The following JARID2 variants were observed in gnomAD, a reference collection of about 807,000 sequenced individuals.
The protein encoded by JARID2 is protein Jumonji.
A neutral mutation model predicts 125.6 loss-of-function variants in JARID2; 21 were observed. The observed-to-expected ratio is 0.17, with a 90% CI of 0.12 to 0.24. JARID2 has a LOEUF of 0.24. JARID2 is among the 10% of genes least tolerant of loss of function. The pLI is 1.00. For synonymous variants in JARID2, 736 were observed against 661.6 expected (o/e 1.11, Z -1.73); for missense variants, 1,303 against 1,639.6 (o/e 0.79, Z 3.55).
At chr6:15,498,449 A>G (rs1770571528) in intron 7 of JARID2, among the ~76,000 whole-genome samples, 1 of 152,028 alleles carries the variant, frequency 6.6e-6, no homozygotes, top group African/African-American at 2.4e-5. Context: ...GCCACTGGGG[A>G]CACAGGGTGA....
rs1194204931 is a variant in JARID2, at chr6:15,512,820, A to G, written c.3136-95A>G. The G allele has an allele frequency of 7.2e-6, 9 of 1,251,830 alleles. No individual in the cohort carries two copies. The East Asian group carries it at 1.6e-4, about 23-fold the overall frequency. 77.5% of individuals were successfully genotyped at this position (1,251,830 alleles called of 1,614,324 possible). A position where few individuals can be genotyped will look rare whatever the true frequency, so the allele number is the denominator to read the frequency against. ...TCTAAATGCAATTCAAGATTTAGAA[A>G]TTCAGACAGCCTGCCTGCCCCCTCC... On this transcript the variant is annotated intron_variant, in intron 14 of 17. Coordinates refer to ENST00000341776, the MANE Select transcript of JARID2 (RefSeq NM_004973.4).
chr6:15,415,505 C>G (rs946814993), intron 3 of JARID2, among the ~76,000 whole-genome samples: 28 of 149,874 alleles, frequency 1.9e-4, no homozygotes, highest in African/African-American at 6.1e-4. Context: ...TCCTCACTTC[C>G]CAGTAGGGGC....
At chr6:15,324,889 GTTTT>G (rs1762487369) in intron 1 of JARID2, among the ~76,000 whole-genome samples, 1 of 150,868 alleles carries the variant, frequency 6.6e-6, no homozygotes, top group African/African-American at 2.4e-5. Flanking sequence ...TGTTGTTGTT[GTTTT>G]AAACTCTGAA....
At chr6:15,417,933 TTCCTC>T (rs1766308834) in intron 3 of JARID2, among the ~76,000 whole-genome samples, 2 of 152,294 alleles carry the variant, frequency 1.3e-5, no homozygotes, top group East Asian at 3.9e-4. Flanking sequence ...ATTTATATCT[TTCCTC>T]TCTGTCAGCC....
intron 8 of JARID2, 111 bp from the exon 9 acceptor site, chr6:15,504,389 C>T (rs531310957): frequency 6.5e-4 from 485 of 747,690 alleles, no homozygotes; most frequent in Non-Finnish European, 1.0e-3. Flanking sequence ...ACAAGGTGGC[C>T]CACAGCCGCA....
intron 2 of JARID2, among the ~76,000 whole-genome samples, chr6:15,396,844 C>G (rs1011717360): frequency 6.6e-6 from 1 of 152,204 alleles, no homozygotes; most frequent in Non-Finnish European, 1.5e-5. Flanking sequence ...GGAACAACTA[C>G]TTTAATTGTA....
intron 2 of JARID2, among the ~76,000 whole-genome samples, chr6:15,382,688 T>C (rs551094235): frequency 4.6e-5 from 7 of 152,348 alleles, no homozygotes; most frequent in African/African-American, 1.4e-4. Flanking sequence ...TGAAGCCTGA[T>C]TGGAACCAGA....
intron 1 of JARID2, among the ~76,000 whole-genome samples, chr6:15,322,710 G>T (rs1003136216): frequency 1.3e-5 from 2 of 152,182 alleles, no homozygotes; most frequent in African/African-American, 4.8e-5. Context: ...TAGCCAAACA[G>T]CAAATTAGGG....
chr6:15,328,493 G>A (rs1435331005), intron 1 of JARID2, among the ~76,000 whole-genome samples: 2 of 152,182 alleles, frequency 1.3e-5, no homozygotes, highest in South Asian at 4.1e-4. Context: ...TTATCATTTA[G>A]TGTCATTGGG....
chr6:15,378,150 G>T (rs538816867), intron 2 of JARID2, among the ~76,000 whole-genome samples: 105 of 151,132 alleles, frequency 6.9e-4, no homozygotes, highest in Non-Finnish European at 1.3e-3. Context: ...GCCTCCCAAA[G>T]TGCTGGGATT....
chr6:15,476,965 G>A (rs970581313), intron 5 of JARID2, among the ~76,000 whole-genome samples: 3 of 152,168 alleles, frequency 2.0e-5, no homozygotes, highest in Admixed American at 6.5e-5. Context: ...AGTGCTTTGA[G>A]GAGGAGACCT....
intron 5 of JARID2, among the ~76,000 whole-genome samples, chr6:15,485,239 T>G (rs1332114165): frequency 6.6e-6 from 1 of 152,204 alleles, no homozygotes; most frequent in Non-Finnish European, 1.5e-5. Flanking sequence ...GAAGGAACTT[T>G]GAGATAAAGG....
chr6:15,377,297 A>C (rs2299057), intron 2 of JARID2, among the ~76,000 whole-genome samples: 13,767 of 152,234 alleles, frequency 0.09, 784 homozygotes, highest in South Asian at 0.16. Flanking sequence ...GTGGCAAGAG[A>C]AAATGAGATT....
chr6:15,275,776 T>A (rs1432502829), intron 1 of JARID2, among the ~76,000 whole-genome samples: 2 of 152,128 alleles, frequency 1.3e-5, no homozygotes, highest in Non-Finnish European at 2.9e-5. Context: ...TTGTCCCCTT[T>A]CCTTCTCTTG....
At chr6:15,289,319 T>C (rs989629050) in intron 1 of JARID2, among the ~76,000 whole-genome samples, 1 of 152,234 alleles carries the variant, frequency 6.6e-6, no homozygotes, top group Non-Finnish European at 1.5e-5. Context: ...CTGGTGTCCT[T>C]CTTTTGTGGG....
Position 15,452,010 on chromosome 6 carries a change from A to T in JARID2, c.328A>T (p.Arg110Trp). 6.2e-7 allele frequency: 1 copy of T among 1,613,306 alleles called. No homozygotes were observed. Among genetic ancestry groups the T allele is most frequent in the Non-Finnish European group, 8.5e-7 (1 of 1,179,698 alleles). ...AATTTTCTTTTGCTTTTGCAGGCCC[A>T]GGCTGCAAGCACAAAGGAAGTTTGC... ...FEEGPSRKRP[R>W]LQAQRKFAQS... Residue 110 changes from arginine to tryptophan, a missense_variant, in exon 4 of 18, where the codon AGG (arginine) becomes TGG (tryptophan). Around this residue, in one of 11 missense-constraint regions of JARID2, gnomAD observed 3 missense variants for 21.7 expected, o/e 0.14. Transcript: ENST00000341776.
At chr6:15,455,316 AT>A (rs1167375493) in intron 4 of JARID2, among the ~76,000 whole-genome samples, 2 of 151,688 alleles carry the variant, frequency 1.3e-5, no homozygotes, top group Non-Finnish European at 2.9e-5. Flanking sequence ...TCACATGATG[AT>A]TTTGTGATAC....
At chr6:15,327,092 C>T (rs983555122) in intron 1 of JARID2, among the ~76,000 whole-genome samples, 14 of 152,040 alleles carry the variant, frequency 9.2e-5, no homozygotes, top group Admixed American at 6.6e-5. Context: ...ACCTGAAACA[C>T]GGCTGATGGG....
At chr6:15,336,274 A>AT (rs1320694764) in intron 1 of JARID2, among the ~76,000 whole-genome samples, 1 of 152,186 alleles carries the variant, frequency 6.6e-6, no homozygotes. Context: ...TAACTAATTT[A>AT]TTTTTGTGTT....
Sources: allele counts gnomAD v4.1 joint callset (sites outside exome capture counted in the v4.1 genomes callset), GRCh38; gene constraint gnomAD v4.1.1; regional missense constraint gnomAD v4.1.1; transcripts MANE v1.5; gene names NCBI Gene and HGNC (gene_info 2026-07-23, HGNC 2026-07-21).